GRM4: variants seen among roughly 807,000 people sequenced by gnomAD.
The protein encoded by GRM4 is metabotropic glutamate receptor 4.
Under a neutral mutation model 81.7 loss-of-function variants are expected in GRM4, and 28 were observed. The observed-to-expected ratio is 0.34, with a 90% CI of 0.25 to 0.47. The LOEUF is 0.47. GRM4 is among the 20% of genes least tolerant of loss of function. The pLI, the probability that GRM4 is intolerant of heterozygous loss-of-function variation, is 1.00. For synonymous variants in GRM4, 488 were observed against 528.8 expected (o/e 0.92, Z 1.06); for missense variants, 948 against 1,290.0 (o/e 0.73, Z 4.06).
At chr6:34,131,920 C>T (rs1229713398) in intron 2 of GRM4, among the ~76,000 whole-genome samples, 1 of 152,098 alleles carries the variant, frequency 6.6e-6, no homozygotes, top group Non-Finnish European at 1.5e-5. Flanking sequence ...TCTTCCCTCT[C>T]CCCATTCTCT....
At chr6:34,123,792 A>T (rs780516657) in intron 2 of GRM4, among the ~76,000 whole-genome samples, 8 of 152,228 alleles carry the variant, frequency 5.3e-5, no homozygotes, top group Non-Finnish European at 7.3e-5. Context: ...AACCCAGGCC[A>T]GCTGGCCCCA....
At chr6:34,037,861 CAAAA>C (rs34369343) in intron 8 of GRM4, among the ~76,000 whole-genome samples, 182 of 116,148 alleles carry the variant, frequency 1.6e-3, no homozygotes, top group Middle Eastern at 4.6e-3. Context: ...GATTCCGTCT[CAAAA>C]AAAAAAAAAA....
At chr6:34,148,575 G>A (rs1770987893), upstream of GRM4, among the ~76,000 whole-genome samples, 2 of 152,332 alleles carry the variant, frequency 1.3e-5, no homozygotes, top group East Asian at 3.9e-4. Context: ...TGGACCAGCT[G>A]CTCCAAGGCC....
At chr6:34,100,098 C>T (rs1233357706) in intron 2 of GRM4, 3 of 959,854 alleles carry the variant, frequency 3.1e-6, no homozygotes, top group African/African-American at 1.8e-5. Flanking sequence ...TGGGGCCTGA[C>T]CATGTGCCCC....
chr6:34,023,441 A>G (rs1763986602), intron 10 of GRM4, among the ~76,000 whole-genome samples: 2 of 152,162 alleles, frequency 1.3e-5, no homozygotes, highest in Non-Finnish European at 2.9e-5. Flanking sequence ...GGAAATAAAT[A>G]ATGAAAACCA....
chr6:34,035,990 A>C lies in GRM4; in HGVS notation c.2120T>G (p.Ile707Ser). The C allele has an allele frequency of 6.2e-7, 1 of 1,613,664 alleles. No homozygotes were observed. Among genetic ancestry groups the C allele is most frequent in the Non-Finnish European group, 8.5e-7 (1 of 1,179,656 alleles). ...ASQLAITFSL[I>S]SLQLLGICVW... The stretch of plus-strand genomic sequence containing the variant: ...ACAGATGCCCAGCAGCTGCAGCGAG[A>C]TGAGGCTGAAGGTGATGGCCAGCTG... The change falls in exon 9 of 11, where the codon ATC becomes AGC. Residue 707 changes from isoleucine to serine, a missense_variant. Ile to Ser is a moderately radical substitution (Grantham distance 142). Coordinates refer to ENST00000538487, the MANE Select transcript of GRM4 (RefSeq NM_000841.4). This position sits in a 1 kb window ranked among gnomAD's most constrained non-coding sequence, Gnocchi z 6.6.
rs182703654 is a variant in GRM4 at position 34,039,086 on chromosome 6, C to T, written c.1506+1092G>A. ...TGGTGTTATCCCACTTTGCCAAGTGCTCCTCACACCCTGTTGTGCCCATCG... is the reference window on the plus strand; with the variant it reads ...TGGTGTTATCCCACTTTGCCAAGTGTTCCTCACACCCTGTTGTGCCCATCG... On this transcript the variant is annotated intron_variant, in intron 8 of 10. Coordinates refer to ENST00000538487, the MANE Select transcript of GRM4 (RefSeq NM_000841.4). Among the ~76,000 whole-genome samples the T allele has an allele frequency of 2.7e-3, 418 of 152,310 alleles. 3 individuals are homozygous for T. The highest frequency in any genetic ancestry group is 3.7e-3 in the Non-Finnish European group (250 of 68,022).
At chr6:34,108,116 TGAG>T (rs1769209256) in intron 2 of GRM4, among the ~76,000 whole-genome samples, 1 of 152,176 alleles carries the variant, frequency 6.6e-6, no homozygotes, top group South Asian at 2.1e-4. Flanking sequence ...GCCCAGAGCA[TGAG>T]GAGAAGGCCA....
chr6:34,137,393 C>A (rs916308988), intron 1 of GRM4, among the ~76,000 whole-genome samples: 1 of 152,232 alleles, frequency 6.6e-6, no homozygotes, highest in Admixed American at 6.5e-5. Flanking sequence ...TTTTCCAGAA[C>A]ATTCTTTCCA....
chr6:34,127,512 G>A (rs964388711), intron 2 of GRM4, among the ~76,000 whole-genome samples: 5 of 152,222 alleles, frequency 3.3e-5, no homozygotes, highest in African/African-American at 1.2e-4. Context: ...TTTAATCTAA[G>A]AGCAACGGGA....
intron 2 of GRM4, among the ~76,000 whole-genome samples, chr6:34,131,450 T>C (rs1179091690): frequency 3.9e-5 from 6 of 152,196 alleles, no homozygotes; most frequent in Non-Finnish European, 7.3e-5. Context: ...AAAAGCCCTA[T>C]ATTCGAGGCC....
intron 5 of GRM4, among the ~76,000 whole-genome samples, 159 bp downstream of exon 5, chr6:34,058,815 C>T (rs971605487): frequency 7.8e-5 from 11 of 140,850 alleles, no homozygotes; most frequent in South Asian, 2.2e-4. Flanking sequence ...CCTAAAAGAA[C>T]TCCCAGCCCA....
Position 34,128,318 on chromosome 6 carries a change from T to A in GRM4, c.519+4660A>T, listed in dbSNP as rs115201057. ...CTGTGCTGTGACATTTCCTGTGGGCTGACTGTGTGCCAGGCACCATGCTAG... is the reference window on the plus strand; with the variant it reads ...CTGTGCTGTGACATTTCCTGTGGGCAGACTGTGTGCCAGGCACCATGCTAG... On this transcript the variant is annotated intron_variant, in intron 2 of 10. Transcript: ENST00000538487. Among the ~76,000 whole-genome samples, 490 of 152,066 alleles carry A rather than the reference T, an allele frequency of 3.2e-3. 2 individuals are homozygous for A. Among genetic ancestry groups the A allele is most frequent in the African/African-American group, 0.011 (466 of 41,470 alleles).
At chr6:34,023,487 C>A (rs745573724) in intron 10 of GRM4, among the ~76,000 whole-genome samples, 1 of 151,966 alleles carries the variant, frequency 6.6e-6, no homozygotes, top group Non-Finnish European at 1.5e-5. Context: ...CTGAGGCATG[C>A]GATTGACTCA....
chr6:34,032,737 G>T (rs563131742), intron 9 of GRM4, among the ~76,000 whole-genome samples: 1 of 152,292 alleles, frequency 6.6e-6, no homozygotes, highest in African/African-American at 2.4e-5. Context: ...AGGCTGGTAG[G>T]TCACCTGCAG....
chr6:34,105,515 C>T lies in GRM4; in HGVS notation c.520-13416G>A, dbSNP rs147765886. The stretch of plus-strand genomic sequence containing the variant: ...CCTGGCGCTCCTTGTCCCCTCCTTC[C>T]TCTCAGCTTCCTTTGCTGTCCTGCC... On this transcript the variant is annotated intron_variant, in intron 2 of 10. Transcript: ENST00000538487. Among the ~76,000 whole-genome samples the T allele has an allele frequency of 1.3e-3, 202 of 152,272 alleles. 1 individual carries two copies. The highest frequency in any genetic ancestry group is 9.6e-3 in the East Asian group (50 of 5,182).
At chr6:34,039,247 T>C (rs931630534) in intron 8 of GRM4, among the ~76,000 whole-genome samples, 1 of 152,112 alleles carries the variant, frequency 6.6e-6, no homozygotes, top group Non-Finnish European at 1.5e-5. Context: ...GAAGATAAGG[T>C]TGGGCTAAAT....
intron 2 of GRM4, among the ~76,000 whole-genome samples, chr6:34,093,630 G>C (rs1249011792): frequency 6.6e-6 from 1 of 152,182 alleles, no homozygotes; most frequent in African/African-American, 2.4e-5. Context: ...AGCAGAGCAG[G>C]ATGGGGAGAG....
chr6:34,117,151 T>C (rs4472348), intron 2 of GRM4, among the ~76,000 whole-genome samples: 11,479 of 152,254 alleles, frequency 0.075, 897 homozygotes, highest in African/African-American at 0.21. Flanking sequence ...GTATAAGTTG[T>C]ACCTCCATTT....
Sources: allele counts gnomAD v4.1 joint callset (sites outside exome capture counted in the v4.1 genomes callset), GRCh38; gene constraint gnomAD v4.1.1; non-coding constraint Gnocchi (gnomAD v3.1); transcripts MANE v1.5; gene names NCBI Gene and HGNC (gene_info 2026-07-23, HGNC 2026-07-21).